The following KCNIP4 variants were observed in gnomAD, a reference collection of about 807,000 sequenced individuals.
The protein encoded by KCNIP4 is Kv channel-interacting protein 4.
KCNIP4 carries 12 observed loss-of-function variants against 34.0 expected under a neutral mutation model. The ratio of observed to expected loss-of-function variants is 0.35; its 90% CI spans 0.23 to 0.57. The LOEUF (loss-of-function observed/expected upper bound fraction) is 0.57. Among genes scored for constraint, KCNIP4 ranks in the 20% least tolerant of loss-of-function variants. KCNIP4 has a pLI of 0.83. For synonymous variants in KCNIP4, 124 were observed against 102.2 expected (o/e 1.21, Z -1.29); for missense variants, 238 against 311.7 (o/e 0.76, Z 1.78).
rs971412144 is a variant in KCNIP4 at position 21,249,320 on chromosome 4, G to A, written c.62-366611C>T. Among the ~76,000 whole-genome samples the A allele has an allele frequency of 3.9e-5, 6 of 152,076 alleles. No individual in the cohort carries two copies. In the East Asian group the frequency reaches 5.8e-4, roughly 15 times the overall value. On this transcript the variant is annotated intron_variant, in intron 1 of 8. Coordinates refer to ENST00000382152, the MANE Select transcript of KCNIP4 (RefSeq NM_025221.6). The stretch of plus-strand genomic sequence containing the variant: ...TCCTATAGTTTGAAAGGGAGGTATC[G>A]AAGTTCAAAGTAGCACTCTCTCTTC...
chr4:20,955,445 T>G (rs1262590713), intron 1 of KCNIP4, among the ~76,000 whole-genome samples: 1 of 152,178 alleles, frequency 6.6e-6, no homozygotes. Flanking sequence ...ATTCTGCAAC[T>G]AACAGTCTGC....
Position 21,567,341 on chromosome 4 carries a change from A to T in KCNIP4, c.61+381230T>A, listed in dbSNP as rs578243140. Among the ~76,000 whole-genome samples the T allele has an allele frequency of 4.7e-4, 72 of 152,092 alleles. No homozygotes were observed. The East Asian group carries it at 8.3e-3, about 18-fold the overall frequency. On this transcript the variant is annotated intron_variant, in intron 1 of 8. Coordinates refer to ENST00000382152, the MANE Select transcript of KCNIP4 (RefSeq NM_025221.6). ...GGCCAATGAGATATGAATGGAAGCC[A>T]CTGGCTGATGTATCTGAGGACCTCT...
At chr4:21,681,951 C>G (rs1434890970) in intron 1 of KCNIP4, among the ~76,000 whole-genome samples, 1 of 151,388 alleles carries the variant, frequency 6.6e-6, no homozygotes, top group South Asian at 2.1e-4. Flanking sequence ...TGTAGTGGTA[C>G]GGCCTTGGCT....
chr4:20,951,406 CA>C (rs1373117704), intron 1 of KCNIP4, among the ~76,000 whole-genome samples: 3 of 152,038 alleles, frequency 2.0e-5, no homozygotes, highest in Admixed American at 6.6e-5. Context: ...ATGAATTATT[CA>C]AAAGTCCTTG....
intron 1 of KCNIP4, among the ~76,000 whole-genome samples, chr4:21,713,938 A>C (rs1035164221): frequency 4.6e-5 from 7 of 152,212 alleles, no homozygotes; most frequent in Non-Finnish European, 1.0e-4. Flanking sequence ...AACGAAAATG[A>C]TATGAATATG....
chr4:21,089,729 T>C (rs1746812030), intron 1 of KCNIP4, among the ~76,000 whole-genome samples: 1 of 152,158 alleles, frequency 6.6e-6, no homozygotes. Context: ...CACCTCATTC[T>C]TGGGCCATTG....
At chr4:21,856,651 C>T (rs1178808990) in intron 1 of KCNIP4, among the ~76,000 whole-genome samples, 1 of 152,074 alleles carries the variant, frequency 6.6e-6, no homozygotes, top group African/African-American at 2.4e-5. Flanking sequence ...CCCGGGCACA[C>T]CTACAGCTGC....
intron 1 of KCNIP4, among the ~76,000 whole-genome samples, chr4:21,251,621 A>T (rs1406213790): frequency 6.6e-6 from 1 of 152,154 alleles, no homozygotes; most frequent in Non-Finnish European, 1.5e-5. Context: ...TCATAAAGCA[A>T]CCTTGAGTAG....
At chr4:20,821,067 TAA>T (rs1717047913) in intron 3 of KCNIP4, among the ~76,000 whole-genome samples, 1 of 152,050 alleles carries the variant, frequency 6.6e-6, no homozygotes, top group Non-Finnish European at 1.5e-5. Context: ...TCTACTAGGG[TAA>T]TGCCTGATAG....
At chr4:21,740,664 A>G (rs1046429179) in intron 1 of KCNIP4, among the ~76,000 whole-genome samples, 5 of 152,158 alleles carry the variant, frequency 3.3e-5, no homozygotes, top group African/African-American at 9.7e-5. Flanking sequence ...AACTTTGCTA[A>G]GTTTCCATTT....
At chr4:21,196,876 G>T (rs1380096726) in intron 1 of KCNIP4, among the ~76,000 whole-genome samples, 1 of 152,100 alleles carries the variant, frequency 6.6e-6, no homozygotes, top group Non-Finnish European at 1.5e-5. Flanking sequence ...CACACACACA[G>T]TTGTAACCAC....
rs541791601 is a variant in KCNIP4, at chr4:21,199,360, A to T, written c.62-316651T>A. 2.6e-5 allele frequency among the ~76,000 whole-genome samples: 4 copies of T among 152,336 alleles called. No individual in the cohort carries two copies. In the South Asian group the frequency reaches 8.3e-4, roughly 32 times the overall value. On this transcript the variant is annotated intron_variant, in intron 1 of 8. Coordinates refer to ENST00000382152, the MANE Select transcript of KCNIP4 (RefSeq NM_025221.6). ...ATTTTTTCATGTGTCTGTTGGCTGCATAAATGTCTTGAGAACTATCTGTTC... is the reference window on the plus strand; with the variant it reads ...ATTTTTTCATGTGTCTGTTGGCTGCTTAAATGTCTTGAGAACTATCTGTTC...
At chr4:20,778,208 T>G (rs556050591) in intron 3 of KCNIP4, among the ~76,000 whole-genome samples, 21 of 152,192 alleles carry the variant, frequency 1.4e-4, no homozygotes, top group Non-Finnish European at 2.8e-4. Flanking sequence ...CTACTCACAC[T>G]AGCTGTGTTT....
At chr4:21,233,640 C>T (rs1489248692) in intron 1 of KCNIP4, among the ~76,000 whole-genome samples, 1 of 151,600 alleles carries the variant, frequency 6.6e-6, no homozygotes, top group Non-Finnish European at 1.5e-5. Context: ...ATTTCTTTCT[C>T]AGTCTGTTCA....
chr4:21,516,086 G>C (rs183692619), intron 1 of KCNIP4, among the ~76,000 whole-genome samples: 26 of 152,276 alleles, frequency 1.7e-4, no homozygotes, highest in Non-Finnish European at 2.5e-4. Flanking sequence ...GAAACTGGTT[G>C]ATGAATGAAA....
At chr4:20,841,669 C>G (rs189590849) in intron 3 of KCNIP4, among the ~76,000 whole-genome samples, 10 of 152,098 alleles carry the variant, frequency 6.6e-5, no homozygotes, top group Admixed American at 2.0e-4. Flanking sequence ...ATCTCTTGGA[C>G]CAGATTTCTA....
In KCNIP4 at chr4:21,646,318, T is replaced by G. The variant is rs369231042; in HGVS notation, c.61+302253A>C. Among the ~76,000 whole-genome samples the G allele has an allele frequency of 3.9e-5, 6 of 152,304 alleles. No individual in the cohort carries two copies. In the East Asian group the frequency reaches 1.2e-3, roughly 29 times the overall value. On this transcript the variant is annotated intron_variant, in intron 1 of 8. Transcript: ENST00000382152. ...TAACATCATATCCAATCAAATGTCTTTCTTGCTATCCTATTAAATGTGCTT... is the reference window on the plus strand; with the variant it reads ...TAACATCATATCCAATCAAATGTCTGTCTTGCTATCCTATTAAATGTGCTT...
At chr4:21,207,453 C>T (rs1756926932) in intron 1 of KCNIP4, among the ~76,000 whole-genome samples, 2 of 152,128 alleles carry the variant, frequency 1.3e-5, no homozygotes, top group Non-Finnish European at 1.5e-5. Flanking sequence ...AATACATATG[C>T]ATTGTTTTTG....
chr4:21,873,062 G>T (rs537198892), intron 1 of KCNIP4, among the ~76,000 whole-genome samples: 2 of 152,220 alleles, frequency 1.3e-5, no homozygotes, highest in South Asian at 4.1e-4. Flanking sequence ...ACCACAGAAA[G>T]GTATCCACCA....
Sources: allele counts gnomAD v4.1 joint callset (sites outside exome capture counted in the v4.1 genomes callset), GRCh38; gene constraint gnomAD v4.1.1; transcripts MANE v1.5; gene names NCBI Gene and HGNC (gene_info 2026-07-23, HGNC 2026-07-21).